Variants in SNAPC4 observed in about 807,000 individuals in gnomAD.
SNAPC4 encodes small nuclear RNA activating complex polypeptide 4, also known as snRNA-activating protein complex subunit 4.
SNAPC4 carries 127 observed loss-of-function variants against 151.3 expected under a neutral mutation model. That is an observed-to-expected ratio of 0.84 (90% confidence interval 0.73 to 0.97). The LOEUF (loss-of-function observed/expected upper bound fraction) is 0.97. SNAPC4 is among the 50% of genes least tolerant of loss of function. The probability of loss-of-function intolerance (pLI) is 0.00; values close to 1 mark genes in which losing one functional copy is unlikely to be tolerated. For synonymous variants in SNAPC4, 1,002 were observed against 824.4 expected (o/e 1.22, Z -3.69); for missense variants, 2,186 against 1,935.0 (o/e 1.13, Z -2.43).
At chr9:136,390,305 C>T (rs1834023244) in intron 10 of SNAPC4, among the ~76,000 whole-genome samples, 1 of 152,048 alleles carries the variant, frequency 6.6e-6, no homozygotes, top group African/African-American at 2.4e-5. Context: ...TCTGTAATCC[C>T]AGCACTTTGG....
In SNAPC4 at chr9:136,379,041, A is replaced by G; in HGVS notation, c.2786T>C (p.Leu929Pro). 6.3e-7 allele frequency: 1 copy of G among 1,595,426 alleles called. No individual in the cohort carries two copies. Among genetic ancestry groups the G allele is most frequent in the South Asian group, 1.1e-5 (1 of 88,280 alleles). The change falls in exon 22 of 24, where the codon CTC becomes CCC. Residue 929 changes from leucine to proline, a missense_variant. Coordinates refer to ENST00000684778, the MANE Select transcript of SNAPC4 (RefSeq NM_003086.4). ...SQLLVSSSVI[L>P]QPPLPHTPHG... ...TGGGGTGTGTGGTAGAGGGGGCTGGAGGATCACAGACGAGGAGACCAGCAG... is the reference window on the plus strand; with the variant it reads ...TGGGGTGTGTGGTAGAGGGGGCTGGGGGATCACAGACGAGGAGACCAGCAG...
chr9:136,382,354 T>C lies in SNAPC4; in HGVS notation c.1984-18A>G. On this transcript the variant is annotated intron_variant, in intron 16 of 23. Coordinates refer to ENST00000684778, the MANE Select transcript of SNAPC4 (RefSeq NM_003086.4). ...CTCCCACCCTGATGAGAAAGCTGCC[T>C]GAGGCGAGGCACGCGGGGTGTACGG... 6.2e-7 allele frequency: 1 copy of C among 1,611,380 alleles called. No individual in the cohort carries two copies. The highest frequency in any genetic ancestry group is 8.5e-7 in the Non-Finnish European group (1 of 1,178,544).
At chr9:136,377,127 G>A (rs1833475360) in intron 22 of SNAPC4, among the ~76,000 whole-genome samples, 1 of 151,282 alleles carries the variant, frequency 6.6e-6, no homozygotes, top group African/African-American at 2.4e-5. Context: ...GGGACCTTTG[G>A]GACCCCAGAA....
Position 136,386,903 on chromosome 9 carries a change from C to T in SNAPC4, c.1325+582G>A, listed in dbSNP as rs1752404158. Among the ~76,000 whole-genome samples the T allele has an allele frequency of 3.3e-5, 5 of 152,218 alleles. No individual in the cohort carries two copies. In the South Asian group the frequency reaches 1.0e-3, roughly 32 times the overall value. On this transcript the variant is annotated intron_variant, in intron 13 of 23. Coordinates refer to ENST00000684778, the MANE Select transcript of SNAPC4 (RefSeq NM_003086.4). ...AAGTAGCTGGGATTACAGGCGCCAC[C>T]CCCACCATGCCCGGGTAACTTTTGT...
Position 136,383,355 on chromosome 9 carries a change from C to A in SNAPC4, c.1814G>T (p.Ser605Ile), listed in dbSNP as rs763899651. ...TTCCTTGCTGCCGCCCTGGCTGGCA[C>A]TGGACCCCTTGGGAGGGCTGAGGGA... ...AASLSPPKGS[S>I]ASQGGSKEAS... The change falls in exon 16 of 24, where the codon AGT becomes ATT. Residue 605 changes from serine (S) to isoleucine (I), a missense_variant. Coordinates refer to ENST00000684778, the MANE Select transcript of SNAPC4 (RefSeq NM_003086.4). This position sits in a 1 kb window ranked among gnomAD's most constrained non-coding sequence, Gnocchi z 4.2. 22 of 1,607,448 alleles carry A rather than the reference C, an allele frequency of 1.4e-5. No individual in the cohort carries two copies. The highest frequency in any genetic ancestry group is 1.5e-5 in the Non-Finnish European group (18 of 1,177,548).
Position 136,383,877 on chromosome 9 carries a change from CTCCTCCTGCCT to C in SNAPC4, c.1500+65_1500+75del. On this transcript the variant is annotated intron_variant, in intron 15 of 23. Transcript: ENST00000684778. The surrounding 1 kb of genome is among the most constrained non-coding windows in gnomAD (Gnocchi z 4.2). ...AAACCGAACGCCCCCCTCCCCTCCC[CTCCTCCTGCCT>C]GCTGGACCCCCCAGTTGACCAGGCC... 1 of 1,423,268 alleles carries C rather than the reference CTCCTCCTGCCT, an allele frequency of 7.0e-7. No individual in the cohort carries two copies. Among genetic ancestry groups the C allele is most frequent in the Admixed American group, 1.7e-5 (1 of 57,836 alleles). 88.2% of individuals were successfully genotyped at this position (1,423,268 alleles called of 1,614,324 possible).
Position 136,378,485 on chromosome 9 carries a change from A to G in SNAPC4, c.3342T>C (p.Pro1114=). The G allele has an allele frequency of 3.8e-6, 6 of 1,591,512 alleles. No individual in the cohort carries two copies. Among genetic ancestry groups the G allele is most frequent in the Non-Finnish European group, 5.1e-6 (6 of 1,174,618 alleles). The change falls in exon 22 of 24, where the codon CCT becomes CCC. Residue 1114 remains proline, a synonymous_variant. Coordinates refer to ENST00000684778, the MANE Select transcript of SNAPC4 (RefSeq NM_003086.4). ...GGGCCGCCCGAGTCTCAGTCAGGGG[A>G]GGCAGCAGAGTGGCCAGCAGCCCTG... ...GPAGLLATLL[P]PLTETRAAQG... is the part of the protein sequence containing the mutation.
intron 7 of SNAPC4, among the ~76,000 whole-genome samples, chr9:136,393,799 G>A (rs1465533098): frequency 6.6e-6 from 1 of 152,256 alleles, no homozygotes; most frequent in Non-Finnish European, 1.5e-5. Context: ...ATAAAGTCCA[G>A]GCATGAGCAT....
intron 10 of SNAPC4, among the ~76,000 whole-genome samples, chr9:136,391,097 G>A (rs2131500557): frequency 6.6e-6 from 1 of 152,284 alleles, no homozygotes; most frequent in South Asian, 2.1e-4. Flanking sequence ...GCCTCCCAAA[G>A]TGCTGGGATT....
rs775471746 is a variant in SNAPC4, at chr9:136,377,555, T to C, written c.4272A>G (p.Thr1424=). 10 of 1,516,364 alleles carry C rather than the reference T, an allele frequency of 6.6e-6. No homozygotes were observed. In the East Asian group the frequency reaches 9.1e-5, roughly 14 times the overall value. 93.9% of individuals were successfully genotyped at this position (1,516,364 alleles called of 1,614,324 possible). A position where few individuals can be genotyped will look rare whatever the true frequency, so the allele number is the denominator to read the frequency against. The change falls in exon 22 of 24, where the codon ACA becomes ACG. Residue 1424 remains threonine (T), a synonymous_variant. Coordinates refer to ENST00000684778, the MANE Select transcript of SNAPC4 (RefSeq NM_003086.4). The part of the protein sequence containing the change: ...RDGQPGCTTA[T]CPIQGAPDSG... Reference sequence around the variant, plus strand: ...GCGCCCACCCTACCTGAATGGGGCATGTGGCTGTCGTGCAGCCCGGCTGCC... The same window carrying C: ...GCGCCCACCCTACCTGAATGGGGCACGTGGCTGTCGTGCAGCCCGGCTGCC...
intron 2 of SNAPC4, 40 bp from the exon 3 acceptor site, chr9:136,397,063 T>C: frequency 6.3e-7 from 1 of 1,592,712 alleles, no homozygotes; most frequent in Non-Finnish European, 8.6e-7. Flanking sequence ...GTAACCAGCG[T>C]CTTGGGCAGG....
Position 136,380,770 on chromosome 9 carries a change from A to G in SNAPC4, c.2469T>C (p.Gly823=). 4 of 1,609,308 alleles carry G rather than the reference A, an allele frequency of 2.5e-6. No individual in the cohort carries two copies. The highest frequency in any genetic ancestry group is 3.4e-6 in the Non-Finnish European group (4 of 1,176,710). Residue 823 remains glycine, a synonymous_variant, in exon 20 of 24, where the codon GGT becomes GGC. Coordinates refer to ENST00000684778, the MANE Select transcript of SNAPC4 (RefSeq NM_003086.4). ...GAAGATGAACTGGTGGGTCCCGAGCACCAGCCTGGGGCAGCCTGGGTGGCA... is the reference window on the plus strand; with the variant it reads ...GAAGATGAACTGGTGGGTCCCGAGCGCCAGCCTGGGGCAGCCTGGGTGGCA... ...KALPPRLPQA[G]ARDPPVHLLQ... is the part of the protein sequence containing the mutation.
Position 136,395,402 on chromosome 9 carries a change from C to G in SNAPC4, c.367G>C (p.Ala123Pro). 2.5e-6 allele frequency: 4 copies of G among 1,613,130 alleles called. No individual in the cohort carries two copies. The highest frequency in any genetic ancestry group is 3.4e-6 in the Non-Finnish European group (4 of 1,179,778). ...EQQEELMRDL[A>P]GSKGTKVKDG... Reference sequence around the variant, plus strand: ...TTCACCTTGGTGCCTTTGGACCCAGCCAGATCCCTCATGAGTTCCTCCTGT... The same window carrying G: ...TTCACCTTGGTGCCTTTGGACCCAGGCAGATCCCTCATGAGTTCCTCCTGT... The change falls in exon 5 of 24, where the codon GCT (alanine) becomes CCT (proline). Residue 123 changes from alanine to proline, a missense_variant. Transcript: ENST00000684778.
In SNAPC4 at chr9:136,387,488, T is replaced by C; in HGVS notation, c.1322A>G (p.Asp441Gly). Residue 441 changes from aspartate (D) to glycine (G), a missense_variant, in exon 13 of 24, where the codon GAT becomes GGT. Transcript: ENST00000684778. Reference protein sequence around the residue: ...VPGRSDAQCRDRYLRRLHFSL... With the variant: ...VPGRSDAQCRGRYLRRLHFSL... ...CGCTCAGCGCTGTGCGACTCACCGA[T>C]CTCGGCACTGGGCATCGCTCCTACC... 1 of 1,608,686 alleles carries C rather than the reference T, an allele frequency of 6.2e-7. No individual in the cohort carries two copies. The highest frequency in any genetic ancestry group is 8.5e-7 in the Non-Finnish European group (1 of 1,175,234).
In SNAPC4 at chr9:136,376,409, C is replaced by T. The variant is rs375616001; in HGVS notation, c.4357G>A (p.Val1453Met). 15 of 1,613,384 alleles carry T rather than the reference C, an allele frequency of 9.3e-6. No homozygotes were observed. The Middle Eastern group carries it at 4.9e-4, about 53-fold the overall frequency. The change falls in exon 23 of 24, where the codon GTG (valine) becomes ATG (methionine). Residue 1453 changes from valine (V) to methionine (M), a missense_variant. Transcript: ENST00000684778. ...TGCCTGGCATGCCGGGTTCTGAGCA[C>T]GTCCAGGTCGTCAGGGTCATTAGAA... ...DTSNDPDDLD[V>M]LRTRHARHTR...
chr9:136,393,413 G>C (rs1340342719), intron 7 of SNAPC4, among the ~76,000 whole-genome samples: 1 of 152,252 alleles, frequency 6.6e-6, no homozygotes, highest in African/African-American at 2.4e-5. Flanking sequence ...GTGCTGTTGA[G>C]TGGCCAACCA....
chr9:136,377,445 C>G (rs573471363), intron 22 of SNAPC4, 98 bp downstream of exon 22: 1 of 1,407,406 alleles, frequency 7.1e-7, no homozygotes, highest in South Asian at 1.7e-5. Flanking sequence ...TTCCTGCCCG[C>G]AACTTCCACC....
At chr9:136,385,536 T>C (rs1180712063) in intron 13 of SNAPC4, among the ~76,000 whole-genome samples, 1 of 150,898 alleles carries the variant, frequency 6.6e-6, no homozygotes, top group Non-Finnish European at 1.5e-5. Context: ...AAACGCGGTA[T>C]TTATATGAGA....
intron 20 of SNAPC4, 47 bp downstream of exon 20, chr9:136,380,693 G>A (rs755140057): frequency 3.8e-5 from 42 of 1,097,986 alleles, no homozygotes; most frequent in Admixed American, 1.1e-4. Context: ...CTCCAACGCC[G>A]GGGCGGGCAG....
Sources: allele counts gnomAD v4.1 joint callset (sites outside exome capture counted in the v4.1 genomes callset), GRCh38; gene constraint gnomAD v4.1.1; non-coding constraint Gnocchi (gnomAD v3.1); transcripts MANE v1.5; gene names NCBI Gene and HGNC (gene_info 2026-07-23, HGNC 2026-07-21).